COL7A1: variants seen among roughly 807,000 people sequenced by gnomAD.
COL7A1 encodes collagen alpha-1(VII) chain.
Under a neutral mutation model 456.2 loss-of-function variants are expected in COL7A1, and 296 were observed. The observed-to-expected ratio is 0.65, with a 90% CI of 0.59 to 0.71. COL7A1 has a LOEUF of 0.71. Among genes scored for constraint, COL7A1 ranks in the 30% least tolerant of loss-of-function variants. COL7A1 has a pLI of 0.00. For synonymous variants in COL7A1, 1,464 were observed against 1,525.9 expected (o/e 0.96, Z 0.95); for missense variants, 3,441 against 4,017.2 (o/e 0.86, Z 3.88).
At position 48,568,460 on chromosome 3, in the gene COL7A1, TG is replaced by T; in HGVS notation, c.7794+38del. ...GACCACCATGGTGACGGGGGCCCTC[TG>T]GGGACAGGGGGCCCCTGTGGGAGCA... On this transcript the variant is annotated intron_variant, in intron 105 of 118. Coordinates refer to ENST00000681320, the MANE Select transcript of COL7A1 (RefSeq NM_000094.4). This position sits in a 1 kb window ranked among gnomAD's most constrained non-coding sequence, Gnocchi z 5.2. 1 of 1,580,184 alleles carries T rather than the reference TG, an allele frequency of 6.3e-7. No homozygotes were observed. Among genetic ancestry groups the T allele is most frequent in the South Asian group, 1.1e-5 (1 of 88,308 alleles).
chr3:48,585,509 C>A lies in COL7A1; in HGVS notation c.3894+48G>T, dbSNP rs2107741344. On this transcript the variant is annotated intron_variant, in intron 32 of 118. Transcript: ENST00000681320. The surrounding 1 kb of genome is among the most constrained non-coding windows in gnomAD (Gnocchi z 4.5). Reference sequence around the variant, plus strand: ...CTTCTCTCTTGTAAAAACCCCGAGACAGCTTTGAGGAGTGCCTCAGAGAAA... The same window carrying A: ...CTTCTCTCTTGTAAAAACCCCGAGAAAGCTTTGAGGAGTGCCTCAGAGAAA... 6.3e-7 allele frequency: 1 copy of A among 1,588,982 alleles called. No individual in the cohort carries two copies. Among genetic ancestry groups the A allele is most frequent in the South Asian group, 1.1e-5 (1 of 90,592 alleles).
chr3:48,571,649 G>C lies in COL7A1; in HGVS notation c.7068+352C>G. The C allele has an allele frequency of 1.5e-6, 1 of 652,106 alleles. No homozygotes were observed. Among genetic ancestry groups the C allele is most frequent in the South Asian group, 1.5e-5 (1 of 65,798 alleles). The allele number at this position is 652,106 out of a possible 1,614,324, so 40.4% of individuals were successfully genotyped here. ...AGGCATGGCCACAGGCTGAACGCTGGCAGCCAGGGGCAGGGGAAAGGAGGA... is the reference window on the plus strand; with the variant it reads ...AGGCATGGCCACAGGCTGAACGCTGCCAGCCAGGGGCAGGGGAAAGGAGGA... On this transcript the variant is annotated intron_variant, in intron 92 of 118. Transcript: ENST00000681320. The surrounding 1 kb of genome is among the most constrained non-coding windows in gnomAD (Gnocchi z 4.6).
In COL7A1 at chr3:48,573,645, C is replaced by A. The variant is rs759063140; in HGVS notation, c.6573+45G>T. On this transcript the variant is annotated intron_variant, in intron 82 of 118. Coordinates refer to ENST00000681320, the MANE Select transcript of COL7A1 (RefSeq NM_000094.4). The surrounding 1 kb of genome is among the most constrained non-coding windows in gnomAD (Gnocchi z 5.5). ...CATCAGCTGTGGCCAATGCCTATCC[C>A]AGCCCTTCCAGACCCTCACCAGGCA... 6.2e-7 allele frequency: 1 copy of A among 1,612,794 alleles called. No homozygotes were observed. Among genetic ancestry groups the A allele is most frequent in the Non-Finnish European group, 8.5e-7 (1 of 1,179,384 alleles).
chr3:48,567,036 A>G lies in COL7A1; in HGVS notation c.8110-13T>C. The G allele has an allele frequency of 6.2e-7, 1 of 1,613,570 alleles. No homozygotes were observed. The highest frequency in any genetic ancestry group is 8.5e-7 in the Non-Finnish European group (1 of 1,179,644). Reference sequence around the variant, plus strand: ...TTCCTGGGGTTCCCTGGGGAGATATAGGACAGAGTCAGTAATCAGAGGCCC... The same window carrying G: ...TTCCTGGGGTTCCCTGGGGAGATATGGGACAGAGTCAGTAATCAGAGGCCC... On this transcript the variant is annotated splice_polypyrimidine_tract_variant and intron_variant, in intron 110 of 118. Transcript: ENST00000681320. The surrounding 1 kb of genome is among the most constrained non-coding windows in gnomAD (Gnocchi z 4.3).
In COL7A1 at chr3:48,587,434, C is replaced by G; in HGVS notation, c.2978G>C (p.Arg993Thr). ...SSYILSWRPL[R>T]GPGQEVPGSP... ...CTCCCCCTCACCCTGGCCAGGGCCTCTGAGTGGCCGCCAGGATAGGATGTA... is the reference window on the plus strand; with the variant it reads ...CTCCCCCTCACCCTGGCCAGGGCCTGTGAGTGGCCGCCAGGATAGGATGTA... The change falls in exon 23 of 119, where the codon AGA becomes ACA. Residue 993 changes from arginine (R) to threonine (T), a missense_variant. By Grantham distance (71) the Arg-to-Thr change is moderately conservative. Transcript: ENST00000681320. This position sits in a 1 kb window ranked among gnomAD's most constrained non-coding sequence, Gnocchi z 6.1. The G allele has an allele frequency of 6.2e-7, 1 of 1,613,296 alleles. No homozygotes were observed. Among genetic ancestry groups the G allele is most frequent in the African/African-American group, 1.3e-5 (1 of 75,066 alleles).
In COL7A1 at chr3:48,568,022, C is replaced by T. The variant is rs1392281650; in HGVS notation, c.7875+68G>A. On this transcript the variant is annotated intron_variant, in intron 106 of 118. Transcript: ENST00000681320. This position sits in a 1 kb window ranked among gnomAD's most constrained non-coding sequence, Gnocchi z 5.2. ...TGACCCAGTGCCCTAATATCTGACC[C>T]CAGGTCCCTCGCCCTTCAACATTAG... 5 of 1,605,862 alleles carry T rather than the reference C, an allele frequency of 3.1e-6. No individual in the cohort carries two copies. In the Admixed American group the frequency reaches 6.7e-5, roughly 21 times the overall value.
At position 48,572,899 on chromosome 3, in the gene COL7A1, C is replaced by G. The variant is rs958051895; in HGVS notation, c.6794G>C (p.Ser2265Thr). ...KPGAPGRDGA[S>T]GKDGDRGSPG... ...GCTCCCTCTGTCTCCATCTTTTCCACTGGCACCATCTCGACCTGGGGCTCC... is the reference window on the plus strand; with the variant it reads ...GCTCCCTCTGTCTCCATCTTTTCCAGTGGCACCATCTCGACCTGGGGCTCC... Residue 2265 changes from serine to threonine, a missense_variant, in exon 87 of 119, where the codon AGT (serine) becomes ACT (threonine). By Grantham distance (58) the Ser-to-Thr change is moderately conservative (BLOSUM62 1). Coordinates refer to ENST00000681320, the MANE Select transcript of COL7A1 (RefSeq NM_000094.4). This position sits in a 1 kb window ranked among gnomAD's most constrained non-coding sequence, Gnocchi z 4.6. The G allele has an allele frequency of 1.2e-6, 2 of 1,613,990 alleles. No individual in the cohort carries two copies. The highest frequency in any genetic ancestry group is 1.7e-6 in the Non-Finnish European group (2 of 1,180,000).
Position 48,570,175 on chromosome 3 carries a change from C to G in COL7A1, c.7444G>C (p.Glu2482Gln). The change falls in exon 99 of 119, where the codon GAA (glutamate) becomes CAA (glutamine). Residue 2482 changes from glutamate to glutamine, a missense_variant. Physicochemically the swap from Glu to Gln is conservative, Grantham distance 29 (BLOSUM62 2). Around this residue, in one of 3 missense-constraint regions of COL7A1, gnomAD observed 2,084 missense variants for 2,501.3 expected, o/e 0.83. Transcript: ENST00000681320. The surrounding 1 kb of genome is among the most constrained non-coding windows in gnomAD (Gnocchi z 5.5). Reference protein sequence around the residue: ...GERGEPGIRGEDGRPGQEGPR... With the variant: ...GERGEPGIRGQDGRPGQEGPR... ...CCCTCCTGGCCGGGGCGGCCATCTTCACCCTGGATGGTGACATTAGGTTCA... is the reference window on the plus strand; with the variant it reads ...CCCTCCTGGCCGGGGCGGCCATCTTGACCCTGGATGGTGACATTAGGTTCA... 1 of 1,614,196 alleles carries G rather than the reference C, an allele frequency of 6.2e-7. No individual in the cohort carries two copies.
In COL7A1 at chr3:48,570,584, G is replaced by A. The variant is rs1243754651; in HGVS notation, c.7344+55C>T. 2 of 1,613,094 alleles carry A rather than the reference G, an allele frequency of 1.2e-6. No homozygotes were observed. Among genetic ancestry groups the A allele is most frequent in the African/African-American group, 1.3e-5 (1 of 74,842 alleles). ...CACAGTGTGGCCCGCCCCATCCTAA[G>A]TCCTCACGAGGACAGGAAATCAAAT... On this transcript the variant is annotated intron_variant, in intron 96 of 118. Coordinates refer to ENST00000681320, the MANE Select transcript of COL7A1 (RefSeq NM_000094.4). The surrounding 1 kb of genome is among the most constrained non-coding windows in gnomAD (Gnocchi z 5.5).
At position 48,574,991 on chromosome 3, in the gene COL7A1, AT is replaced by A; in HGVS notation, c.6279+72del. On this transcript the variant is annotated intron_variant, in intron 76 of 118. Transcript: ENST00000681320. This position sits in a 1 kb window ranked among gnomAD's most constrained non-coding sequence, Gnocchi z 5.0. The stretch of plus-strand genomic sequence containing the variant: ...CCAGGGTTATGGCACACACTACCAT[AT>A]TTCTGGGGACCAAGCTAAGGGTGGC... 6.3e-7 allele frequency: 1 copy of A among 1,575,720 alleles called. No individual in the cohort carries two copies. Among genetic ancestry groups the A allele is most frequent in the Non-Finnish European group, 8.7e-7 (1 of 1,146,600 alleles).
Position 48,579,851 on chromosome 3 carries a change from C to G in COL7A1, c.5125-37G>C, listed in dbSNP as rs368593045. The G allele has an allele frequency of 1.9e-6, 3 of 1,613,924 alleles. No individual in the cohort carries two copies. Among genetic ancestry groups the G allele is most frequent in the East Asian group, 2.2e-5 (1 of 44,852 alleles). Reference sequence around the variant, plus strand: ...ATGACCAGTGAGAAGAATGGCTCAACAAGGGGAAGAGGAGTTGGCGAGGGG... The same window carrying G: ...ATGACCAGTGAGAAGAATGGCTCAAGAAGGGGAAGAGGAGTTGGCGAGGGG... On this transcript the variant is annotated intron_variant, in intron 57 of 118. Coordinates refer to ENST00000681320, the MANE Select transcript of COL7A1 (RefSeq NM_000094.4). This position sits in a 1 kb window ranked among gnomAD's most constrained non-coding sequence, Gnocchi z 4.4.
chr3:48,589,080 C>G, intron 18 of COL7A1, 85 bp from the exon 19 acceptor site: 1 of 1,603,064 alleles, frequency 6.2e-7, no homozygotes, highest in Non-Finnish European at 8.5e-7. Context: ...ATCTGAAAGT[C>G]AGTGTGAGGT....
chr3:48,568,957 G>C lies in COL7A1; in HGVS notation c.7687-102C>G, dbSNP rs928979981. On this transcript the variant is annotated intron_variant, in intron 103 of 118. Coordinates refer to ENST00000681320, the MANE Select transcript of COL7A1 (RefSeq NM_000094.4). The surrounding 1 kb of genome is among the most constrained non-coding windows in gnomAD (Gnocchi z 5.2). ...CTGGGGCAGAGCTCAAGTCACTCCCGAACGGCCCTAGCAGCACGTCCTCCC... is the reference window on the plus strand; with the variant it reads ...CTGGGGCAGAGCTCAAGTCACTCCCCAACGGCCCTAGCAGCACGTCCTCCC... 5.1e-6 allele frequency: 6 copies of C among 1,179,526 alleles called. No homozygotes were observed. In the South Asian group the frequency reaches 7.8e-5, roughly 15 times the overall value. 73.1% of individuals were successfully genotyped at this position (1,179,526 alleles called of 1,614,324 possible).
In COL7A1 at chr3:48,589,454, C is replaced by A. The variant is rs1393741293; in HGVS notation, c.2187G>T (p.Gln729His). Residue 729 changes from glutamine (Q) to histidine (H), a missense_variant, in exon 18 of 119, where the codon CAG becomes CAT. Around this residue, in one of 3 missense-constraint regions of COL7A1, gnomAD observed 913 missense variants for 1,088.2 expected, o/e 0.84. Coordinates refer to ENST00000681320, the MANE Select transcript of COL7A1 (RefSeq NM_000094.4). ...CCACCGTGGCCTCCCCAGAAACCAA[C>A]TGGGATTTCTCTGGGCCTGGGAACA... ...WHSAHGPEKS[Q>H]LVSGEATVAE... 6.2e-7 allele frequency: 1 copy of A among 1,613,770 alleles called. No individual in the cohort carries two copies.
In COL7A1 at chr3:48,579,996, C is replaced by A; in HGVS notation, c.5124+35G>T. 6.2e-7 allele frequency: 1 copy of A among 1,613,980 alleles called. No individual in the cohort carries two copies. The highest frequency in any genetic ancestry group is 1.1e-5 in the South Asian group (1 of 91,086). On this transcript the variant is annotated intron_variant, in intron 57 of 118. Coordinates refer to ENST00000681320, the MANE Select transcript of COL7A1 (RefSeq NM_000094.4). The surrounding 1 kb of genome is among the most constrained non-coding windows in gnomAD (Gnocchi z 4.4). ...GTGGAGCCAAAGGGGCAAGTGAGAA[C>A]AATGACAGAGGACCAGACCCAGCGC...
At position 48,583,282 on chromosome 3, in the gene COL7A1, C is replaced by T. The variant is rs1402240158; in HGVS notation, c.4437+111G>A. On this transcript the variant is annotated intron_variant, in intron 42 of 118. Transcript: ENST00000681320. The surrounding 1 kb of genome is among the most constrained non-coding windows in gnomAD (Gnocchi z 5.1). ...ACTCCAACCACCCCCTCCAAAACCA[C>T]GACCTCTGACCTGGAGGGAACTCTT... 1.1e-5 allele frequency: 18 copies of T among 1,603,750 alleles called. No individual in the cohort carries two copies. The highest frequency in any genetic ancestry group is 1.7e-5 in the Admixed American group (1 of 59,464).
At chr3:48,589,524 C>A in intron 17 of COL7A1, 54 bp from the exon 18 acceptor site, 1 of 1,612,742 alleles carries the variant, frequency 6.2e-7, no homozygotes, top group Non-Finnish European at 8.5e-7. Context: ...TGCCCCAGAG[C>A]CCCACCTGGA....
rs2043880483 is a variant in COL7A1, at chr3:48,570,965, C to A, written c.7168G>T (p.Asp2390Tyr). ...CCGGGCAGGCCAGGGAGGCCCAGAT[C>A]TCCCTGAAATAAAAACAGCAAAGGG... ...GPPGPPGVKGDLGLPGLPGAP... is the reference protein window; with the variant it reads ...GPPGPPGVKGYLGLPGLPGAP... The change falls in exon 95 of 119, where the codon GAT (aspartate) becomes TAT (tyrosine). Residue 2390 changes from aspartate to tyrosine, a missense_variant. Asp to Tyr is a radical substitution (Grantham distance 160). Around this residue, in one of 3 missense-constraint regions of COL7A1, gnomAD observed 2,084 missense variants for 2,501.3 expected, o/e 0.83. Transcript: ENST00000681320. This position sits in a 1 kb window ranked among gnomAD's most constrained non-coding sequence, Gnocchi z 5.5. 1.2e-6 allele frequency: 2 copies of A among 1,613,340 alleles called. No individual in the cohort carries two copies. Among genetic ancestry groups the A allele is most frequent in the African/African-American group, 1.3e-5 (1 of 74,914 alleles).
Position 48,573,909 on chromosome 3 carries a change from G to A in COL7A1, c.6502-19C>T, listed in dbSNP as rs773875374. 1 of 1,612,706 alleles carries A rather than the reference G, an allele frequency of 6.2e-7. No individual in the cohort carries two copies. The highest frequency in any genetic ancestry group is 1.1e-5 in the South Asian group (1 of 90,982). ...GCAGACCCTACATAGAGAGGGCACT[G>A]ATGAGCCTCAATCTGGGCCTCACTT... On this transcript the variant is annotated intron_variant, in intron 80 of 118. Coordinates refer to ENST00000681320, the MANE Select transcript of COL7A1 (RefSeq NM_000094.4). This position sits in a 1 kb window ranked among gnomAD's most constrained non-coding sequence, Gnocchi z 5.5.
Sources: allele counts gnomAD v4.1 joint callset, GRCh38; gene constraint gnomAD v4.1.1; regional missense constraint gnomAD v4.1.1; non-coding constraint Gnocchi (gnomAD v3.1); transcripts MANE v1.5; gene names NCBI Gene and HGNC (gene_info 2026-07-23, HGNC 2026-07-21).